The following ZNF385D variants were observed in gnomAD, a reference collection of about 807,000 sequenced individuals.
The protein encoded by ZNF385D is zinc finger protein 659.
A neutral mutation model predicts 35.8 loss-of-function variants in ZNF385D; 15 were observed. The observed-to-expected ratio is 0.42, with a 90% CI of 0.28 to 0.64. The LOEUF (loss-of-function observed/expected upper bound fraction) is 0.64. Among genes scored for constraint, ZNF385D ranks in the 30% least tolerant of loss-of-function variants. The pLI, the probability that ZNF385D is intolerant of heterozygous loss-of-function variation, is 0.23. For synonymous variants in ZNF385D, 212 were observed against 186.8 expected (o/e 1.13, Z -1.10); for missense variants, 474 against 494.6 (o/e 0.96, Z 0.39).
At chr3:22,326,031 C>T (rs1309229510) in intron 2 of ZNF385D, among the ~76,000 whole-genome samples, 1 of 152,148 alleles carries the variant, frequency 6.6e-6, no homozygotes, top group Non-Finnish European at 1.5e-5. Context: ...GCTCTCTTCC[C>T]TCCTCCCTGT....
chr3:22,128,419 T>A (rs554156958), intron 3 of ZNF385D, among the ~76,000 whole-genome samples: 1 of 152,322 alleles, frequency 6.6e-6, no homozygotes, highest in East Asian at 1.9e-4. Flanking sequence ...TAGCTGAATA[T>A]TTAATATCTT....
At chr3:21,643,776 G>A (rs1271698783) in intron 2 of ZNF385D, among the ~76,000 whole-genome samples, 1 of 152,138 alleles carries the variant, frequency 6.6e-6, no homozygotes, top group African/African-American at 2.4e-5. Context: ...CTGTGGTTTA[G>A]AACTGTGGTG....
At chr3:21,632,250 T>G (rs2065303898) in intron 2 of ZNF385D, among the ~76,000 whole-genome samples, 1 of 152,076 alleles carries the variant, frequency 6.6e-6, no homozygotes, top group Non-Finnish European at 1.5e-5. Context: ...TAAAATAATG[T>G]TGGATTTTTG....
chr3:21,500,786 T>C (rs543027350), intron 4 of ZNF385D, among the ~76,000 whole-genome samples: 1 of 152,312 alleles, frequency 6.6e-6, no homozygotes, highest in African/African-American at 2.4e-5. Flanking sequence ...GAAATTATTT[T>C]AGGCAGAGAG....
chr3:22,333,402 T>C (rs967308258), intron 2 of ZNF385D, among the ~76,000 whole-genome samples: 2 of 152,200 alleles, frequency 1.3e-5, no homozygotes, highest in Non-Finnish European at 2.9e-5. Context: ...TTTTATGACA[T>C]AAATGTTAAA....
intron 2 of ZNF385D, among the ~76,000 whole-genome samples, chr3:21,587,027 C>T (rs1457456017): frequency 6.6e-6 from 1 of 151,808 alleles, no homozygotes; most frequent in Non-Finnish European, 1.5e-5. Flanking sequence ...CCCATGTAAA[C>T]GTATGAAAGA....
In ZNF385D at chr3:21,465,059, G is replaced by T. The variant is rs1025622573; in HGVS notation, c.440-27856C>A. 2.6e-5 allele frequency among the ~76,000 whole-genome samples: 4 copies of T among 152,076 alleles called. No individual in the cohort carries two copies. Among genetic ancestry groups the T allele is most frequent in the African/African-American group, 7.2e-5 (3 of 41,416 alleles). ...AAATACTTTGTCATTTTTACAGAAA[G>T]ATTTCATATCCAGGTACTTTACATC... On this transcript the variant is annotated intron_variant, in intron 4 of 7. Coordinates refer to ENST00000281523, the MANE Select transcript of ZNF385D (RefSeq NM_024697.3). The surrounding 1 kb of genome is among the most constrained non-coding windows in gnomAD (Gnocchi z 4.2).
At chr3:22,096,516 A>G (rs1408050911) in intron 3 of ZNF385D, among the ~76,000 whole-genome samples, 1 of 152,046 alleles carries the variant, frequency 6.6e-6, no homozygotes, top group Non-Finnish European at 1.5e-5. Flanking sequence ...CTCATCAGAG[A>G]GTAATGCTGA....
At chr3:22,288,135 CG>C (rs1702121118) in intron 2 of ZNF385D, among the ~76,000 whole-genome samples, 1 of 151,940 alleles carries the variant, frequency 6.6e-6, no homozygotes, top group African/African-American at 2.4e-5. Flanking sequence ...AATAGTTTTA[CG>C]GAAGTTTCCT....
chr3:22,151,072 A>C (rs531373059), intron 3 of ZNF385D, among the ~76,000 whole-genome samples: 1 of 152,304 alleles, frequency 6.6e-6, no homozygotes, highest in East Asian at 1.9e-4. Context: ...CAATGTGTTC[A>C]ACATGAACAT....
At chr3:21,727,520 A>T (rs1191746951) in intron 1 of ZNF385D, among the ~76,000 whole-genome samples, 5 of 152,238 alleles carry the variant, frequency 3.3e-5, no homozygotes, top group African/African-American at 9.6e-5. Flanking sequence ...ATATGAACAG[A>T]CACTTCTCAA....
intron 1 of ZNF385D, among the ~76,000 whole-genome samples, chr3:21,737,937 A>G (rs1317997144): frequency 6.6e-6 from 1 of 152,212 alleles, no homozygotes; most frequent in Non-Finnish European, 1.5e-5. Context: ...TCACGTAAAG[A>G]TAGACGGCCA....
At chr3:22,163,601 C>G (rs565399081) in intron 3 of ZNF385D, among the ~76,000 whole-genome samples, 1 of 152,236 alleles carries the variant, frequency 6.6e-6, no homozygotes, top group East Asian at 1.9e-4. Flanking sequence ...ATTCAAATAT[C>G]AAATAATGAT....
chr3:22,112,723 G>T (rs1702598047), intron 3 of ZNF385D, among the ~76,000 whole-genome samples: 1 of 152,078 alleles, frequency 6.6e-6, no homozygotes, highest in African/African-American at 2.4e-5. Flanking sequence ...AAGATGAAGA[G>T]TCATGAGTTC....
intron 3 of ZNF385D, among the ~76,000 whole-genome samples, chr3:22,071,677 C>T (rs1156425523): frequency 1.3e-5 from 2 of 152,118 alleles, no homozygotes; most frequent in East Asian, 3.9e-4. Flanking sequence ...AGTAAGCTCA[C>T]ATTTTCTTGG....
chr3:21,429,610 GTC>G (rs1238743408), intron 5 of ZNF385D, among the ~76,000 whole-genome samples: 6 of 151,958 alleles, frequency 3.9e-5, no homozygotes, highest in African/African-American at 1.4e-4. Context: ...CTATTTTTAA[GTC>G]TCTCGATTCA....
At chr3:22,018,804 T>G (rs1476630371) in intron 3 of ZNF385D, among the ~76,000 whole-genome samples, 1 of 151,922 alleles carries the variant, frequency 6.6e-6, no homozygotes, top group South Asian at 2.1e-4. Context: ...TCATTTCACC[T>G]GTGCTTTAGC....
At chr3:21,517,505 C>T (rs973918741) in intron 3 of ZNF385D, among the ~76,000 whole-genome samples, 12 of 152,062 alleles carry the variant, frequency 7.9e-5, no homozygotes, top group African/African-American at 2.9e-4. Context: ...TTTCTTATTA[C>T]TGTCTGTGTG....
chr3:21,813,059 C>T lies in ZNF385D; in HGVS notation c.326-148031G>A, dbSNP rs188972617. ...GCAATATTTGCTGTTCTGCAGCCTC[C>T]GCTGGTGATACCCAGGCAAACAGGG... On this transcript the variant is annotated intron_variant, in intron 3 of 5. Transcript: ENST00000494108. 3.0e-4 allele frequency among the ~76,000 whole-genome samples: 46 copies of T among 152,266 alleles called. 1 individual carries two copies. Among genetic ancestry groups the T allele is most frequent in the African/African-American group, 1.0e-3 (42 of 41,558 alleles).
Sources: gnomAD v4.1 joint callset for allele counts (sites outside exome capture counted in the v4.1 genomes callset) on GRCh38, gnomAD v4.1.1 for gene constraint, Gnocchi (gnomAD v3.1) non-coding constraint, MANE v1.5 for transcripts, NCBI Gene and HGNC (gene_info 2026-07-23, HGNC 2026-07-21) for gene names.